The following TMC7 variants were observed in gnomAD, a reference collection of about 807,000 sequenced individuals.
TMC7 encodes the protein transmembrane channel-like protein 7.
A neutral mutation model predicts 82.9 loss-of-function variants in TMC7; 54 were observed. That is an observed-to-expected ratio of 0.65 (90% CI 0.52 to 0.82). The LOEUF (loss-of-function observed/expected upper bound fraction) is 0.82, where lower values mean the gene tolerates loss of function less well. Among genes scored for constraint, TMC7 ranks in the 40% least tolerant of loss-of-function variants. The pLI is 0.00. For synonymous variants in TMC7, 350 were observed against 337.9 expected (o/e 1.04, Z -0.39); for missense variants, 820 against 901.2 (o/e 0.91, Z 1.15).
rs1322370510 is a variant in TMC7 at position 19,023,170 on chromosome 16, A to G, written c.686A>G (p.Tyr229Cys). 1.2e-6 allele frequency: 2 copies of G among 1,607,364 alleles called. No individual in the cohort carries two copies. The highest frequency in any genetic ancestry group is 2.2e-5 in the South Asian group (2 of 90,798). ...TCTGGACTCATTTACTTTTACAGTT[A>G]TATCATAGACTTGCTTTCTGGCACT... ...SSSGLIYFYS[Y>C]IIDLLSGTGF... Residue 229 changes from tyrosine to cysteine, a missense_variant, in exon 5 of 16, where the codon TAT becomes TGT. Around this residue, in one of 2 missense-constraint regions of TMC7, gnomAD observed 650 missense variants for 669.9 expected, o/e 0.97. Coordinates refer to ENST00000304381, the MANE Select transcript of TMC7 (RefSeq NM_024847.4).
At position 19,040,282 on chromosome 16, in the gene TMC7, C is replaced by T; in HGVS notation, c.1180-7C>T. 6.2e-7 allele frequency: 1 copy of T among 1,611,622 alleles called. No homozygotes were observed. On this transcript the variant is annotated splice_polypyrimidine_tract_variant and splice_region_variant and intron_variant, in intron 8 of 15. Coordinates refer to ENST00000304381, the MANE Select transcript of TMC7 (RefSeq NM_024847.4). ...CTCCTGACTAATAAGTTTTGTTATC[C>T]TCCTAGGAAATCGACAAGATGGTTT...
intron 5 of TMC7, 106 bp downstream of exon 5, chr16:19,023,301 T>TCAACCAACACTTGTG: frequency 1.6e-6 from 1 of 644,780 alleles, no homozygotes; most frequent in Non-Finnish European, 2.6e-6. Context: ...AACACAAGTG[T>TCAACCAACACTTGTG]TGGTTGACAC....
chr16:19,006,264 G>C (rs1335105304), intron 1 of TMC7, among the ~76,000 whole-genome samples: 2 of 150,300 alleles, frequency 1.3e-5, no homozygotes, highest in African/African-American at 4.9e-5. Flanking sequence ...GCAATGGCAC[G>C]ATCTCGGCTC....
At chr16:18,984,293 A>T in intron 1 of TMC7, 163 bp downstream of exon 1, 1 of 1,324,852 alleles carries the variant, frequency 7.5e-7, no homozygotes, top group Non-Finnish European at 9.6e-7. Context: ...GATCTTCCTT[A>T]TTCCTGCTCC....
At chr16:19,019,251 A>C (rs1192193380) in intron 3 of TMC7, among the ~76,000 whole-genome samples, 1 of 152,254 alleles carries the variant, frequency 6.6e-6, no homozygotes, top group African/African-American at 2.4e-5. Context: ...GGATAAACAA[A>C]GGAAATGATT....
chr16:19,022,172 T>TA (rs1960010426), intron 4 of TMC7, among the ~76,000 whole-genome samples: 1 of 152,052 alleles, frequency 6.6e-6, no homozygotes, highest in African/African-American at 2.4e-5. Flanking sequence ...ACAAAATATG[T>TA]AAAAAAGACA....
At chr16:19,029,441 T>C (rs1483932496) in intron 5 of TMC7, among the ~76,000 whole-genome samples, 1 of 152,214 alleles carries the variant, frequency 6.6e-6, no homozygotes, top group Non-Finnish European at 1.5e-5. Context: ...AGGGTCTTGC[T>C]CTGTTACCCA....
chr16:19,020,905 A>G (rs904608823), intron 3 of TMC7, among the ~76,000 whole-genome samples: 1 of 151,892 alleles, frequency 6.6e-6, no homozygotes, highest in Admixed American at 6.6e-5. Context: ...CCAGATATCT[A>G]GGAATATATC....
At chr16:19,053,623 A>C (rs1057252837) in intron 13 of TMC7, among the ~76,000 whole-genome samples, 1 of 152,134 alleles carries the variant, frequency 6.6e-6, no homozygotes, top group African/African-American at 2.4e-5. Flanking sequence ...GGCTGGTATC[A>C]AACTCCCGAC....
At chr16:19,056,464 C>A in intron 13 of TMC7, 78 bp from the exon 14 acceptor site, 1 of 1,511,566 alleles carries the variant, frequency 6.6e-7, no homozygotes. Context: ...GTTAACAAAA[C>A]ATTCTGGGTG....
At chr16:19,055,990 T>C (rs1961750820) in intron 13 of TMC7, among the ~76,000 whole-genome samples, 1 of 152,230 alleles carries the variant, frequency 6.6e-6, no homozygotes, top group African/African-American at 2.4e-5. Context: ...TTTCTTACAC[T>C]GTCATTTAAC....
intron 6 of TMC7, among the ~76,000 whole-genome samples, chr16:19,031,252 G>T (rs371806135): frequency 6.6e-6 from 1 of 152,290 alleles, no homozygotes. Context: ...CTTCATTCAG[G>T]TTCCCAGCCG....
intron 13 of TMC7, among the ~76,000 whole-genome samples, chr16:19,054,016 G>C (rs576644945): frequency 6.6e-6 from 1 of 151,842 alleles, no homozygotes; most frequent in South Asian, 2.1e-4. Flanking sequence ...TGGTTCTTCA[G>C]TATTCAGTCA....
chr16:19,001,383 TA>T (rs2039138062), intron 1 of TMC7, among the ~76,000 whole-genome samples: 1 of 151,812 alleles, frequency 6.6e-6, no homozygotes, highest in South Asian at 2.1e-4. Context: ...AGTAAAAAAT[TA>T]AAAAGGACAG....
chr16:19,058,098 A>G (rs968127128), intron 14 of TMC7, among the ~76,000 whole-genome samples: 1 of 152,088 alleles, frequency 6.6e-6, no homozygotes, highest in Non-Finnish European at 1.5e-5. Flanking sequence ...TTTTAATTAA[A>G]ATGATATTAT....
At chr16:19,010,866 G>A (rs1959295066) in intron 2 of TMC7, among the ~76,000 whole-genome samples, 2 of 152,150 alleles carry the variant, frequency 1.3e-5, no homozygotes, top group African/African-American at 4.8e-5. Context: ...GCTCGGGTTT[G>A]TTTGCATGGC....
rs1960843504 is a variant in TMC7 at position 19,038,112 on chromosome 16, C to T, written c.1179+65C>T. On this transcript the variant is annotated intron_variant, in intron 8 of 15. Coordinates refer to ENST00000304381, the MANE Select transcript of TMC7 (RefSeq NM_024847.4). ...GCACTGAAAATCTGTGAGGTAGATACCATCGTCATTTCTGTTTTACATATG... is the reference window on the plus strand; with the variant it reads ...GCACTGAAAATCTGTGAGGTAGATATCATCGTCATTTCTGTTTTACATATG... The T allele has an allele frequency of 4.8e-6, 7 of 1,468,390 alleles. No individual in the cohort carries two copies. In the South Asian group the frequency reaches 9.1e-5, roughly 19 times the overall value. 91.0% of individuals were successfully genotyped at this position (1,468,390 alleles called of 1,614,324 possible).
At chr16:19,009,010 C>T (rs955614069) in intron 1 of TMC7, among the ~76,000 whole-genome samples, 162 bp from the exon 2 acceptor site, 2 of 152,156 alleles carry the variant, frequency 1.3e-5, no homozygotes, top group African/African-American at 4.8e-5. Context: ...TTTCATTGTC[C>T]TGAGCACCAC....
chr16:19,051,654 A>T (rs1362745829), intron 12 of TMC7, 32 bp from the exon 13 acceptor site: 9 of 1,611,190 alleles, frequency 5.6e-6, no homozygotes, highest in Non-Finnish European at 7.6e-6. Flanking sequence ...GTACTTATTG[A>T]TCTTAATTTT....
Sources: allele counts gnomAD v4.1 joint callset (sites outside exome capture counted in the v4.1 genomes callset), GRCh38; gene constraint gnomAD v4.1.1; regional missense constraint gnomAD v4.1.1; transcripts MANE v1.5; gene names NCBI Gene and HGNC (gene_info 2026-07-23, HGNC 2026-07-21).